The following ALDH1L1 variants were observed in gnomAD, a reference collection of about 807,000 sequenced individuals.
The protein encoded by ALDH1L1 is cytosolic 10-formyltetrahydrofolate dehydrogenase.
Under a neutral mutation model 101.1 loss-of-function variants are expected in ALDH1L1, and 68 were observed. The observed-to-expected ratio is 0.67, with a 90% CI of 0.55 to 0.82. The LOEUF is 0.82. ALDH1L1 is among the 40% of genes least tolerant of loss of function. The pLI is 0.00. For missense variants in ALDH1L1, 1,087 were observed against 1,172.7 expected, an observed-to-expected ratio of 0.93 and a Z score of 1.07; for synonymous variants, 486 against 470.8, an observed-to-expected ratio of 1.03 and a Z score of -0.42.
At chr3:126,135,739 T>C in intron 11 of ALDH1L1, 77 bp from the exon 12 acceptor site, 1 of 1,427,786 alleles carries the variant, frequency 7.0e-7, no homozygotes. Flanking sequence ...TTCCCTGGCC[T>C]CCTCCTGGGG....
intron 9 of ALDH1L1, among the ~76,000 whole-genome samples, chr3:126,142,386 C>T (rs988159140): frequency 2.0e-5 from 3 of 152,170 alleles, no homozygotes; most frequent in African/African-American, 7.2e-5. Context: ...GACAAAGATA[C>T]TACAGCAAAA....
chr3:126,117,944 C>G (rs1032305912), intron 17 of ALDH1L1, 61 bp downstream of exon 17: 24 of 1,481,456 alleles, frequency 1.6e-5, no homozygotes, highest in Non-Finnish European at 1.6e-5. Context: ...TGGGACAGCA[C>G]TGCCATGTCC....
chr3:126,135,680 C>T lies in ALDH1L1; in HGVS notation c.1345-18G>A. ...CAGATGACCTATAGTGGAAGCAGAG[C>T]CATGACAAGTTCTCCCTAAGCCAGT... On this transcript the variant is annotated intron_variant, in intron 11 of 22. Coordinates refer to ENST00000393434, the MANE Select transcript of ALDH1L1 (RefSeq NM_012190.4). 1.3e-6 allele frequency: 2 copies of T among 1,508,650 alleles called. No homozygotes were observed. Among genetic ancestry groups the T allele is most frequent in the Non-Finnish European group, 1.8e-6 (2 of 1,124,508 alleles). The allele number at this position is 1,508,650 out of a possible 1,614,324, so 93.5% of individuals were successfully genotyped here. A position where few individuals can be genotyped will look rare whatever the true frequency, so the allele number is the denominator to read the frequency against.
chr3:126,180,209 C>G (rs553707536), intron 1 of ALDH1L1: 5 of 160,214 alleles, frequency 3.1e-5, no homozygotes, highest in Admixed American at 2.6e-4. Flanking sequence ...CCACCGCGGC[C>G]GGCCAGATCC....
At chr3:126,115,058 G>T in intron 17 of ALDH1L1, 2 of 457,022 alleles carry the variant, frequency 4.4e-6, no homozygotes, top group South Asian at 1.6e-5. Flanking sequence ...AGCCTGGCCA[G>T]GGCAGGCACG....
At chr3:126,130,969 G>C (rs2080288306) in intron 13 of ALDH1L1, among the ~76,000 whole-genome samples, 1 of 152,240 alleles carries the variant, frequency 6.6e-6, no homozygotes, top group South Asian at 2.1e-4. Flanking sequence ...GCAGAAGACA[G>C]TGTCACAGGG....
intron 9 of ALDH1L1, among the ~76,000 whole-genome samples, chr3:126,138,694 T>G (rs2080505023): frequency 6.6e-6 from 1 of 152,208 alleles, no homozygotes; most frequent in Admixed American, 6.5e-5. Flanking sequence ...GGCAGGGATG[T>G]AAATGGTGCT....
intron 1 of ALDH1L1, among the ~76,000 whole-genome samples, chr3:126,161,525 C>T (rs181009782): frequency 1.6e-3 from 239 of 152,236 alleles, no homozygotes; most frequent in East Asian, 1.4e-3. Flanking sequence ...AAGGGGCCTG[C>T]GTGGGGGCGC....
intron 19 of ALDH1L1, among the ~76,000 whole-genome samples, chr3:126,112,456 C>T (rs1026887749): frequency 1.3e-5 from 2 of 152,226 alleles, no homozygotes; most frequent in Non-Finnish European, 2.9e-5. Flanking sequence ...CTTCTCTTTC[C>T]AGGCTTCACC....
chr3:126,158,387 G>A lies in ALDH1L1; in HGVS notation c.362+18C>T. On this transcript the variant is annotated intron_variant, in intron 3 of 22. Coordinates refer to ENST00000393434, the MANE Select transcript of ALDH1L1 (RefSeq NM_012190.4). ...GACATGTATGGGGATGGCCCCCTGT[G>A]TTTTTGCCCCATCTCACCAGTTGAT... is the stretch of plus-strand genomic sequence containing the variant. The A allele has an allele frequency of 6.4e-7, 1 of 1,550,392 alleles. No homozygotes were observed. The highest frequency in any genetic ancestry group is 8.8e-7 in the Non-Finnish European group (1 of 1,139,502).
intron 6 of ALDH1L1, 125 bp from the exon 7 acceptor site, chr3:126,153,706 G>C: frequency 8.0e-7 from 1 of 1,253,392 alleles, no homozygotes; most frequent in South Asian, 1.5e-5. Flanking sequence ...CCTGGGAGCC[G>C]GCTCAAAGCC....
rs191120788 is a variant in ALDH1L1, at chr3:126,118,740, G to A, written c.1889-642C>T. On this transcript the variant is annotated intron_variant, in intron 16 of 22. Coordinates refer to ENST00000393434, the MANE Select transcript of ALDH1L1 (RefSeq NM_012190.4). The stretch of plus-strand genomic sequence containing the variant: ...CCCAAGGATGCCTGATCAGGTCCCC[G>A]AGGATGTGGCATCCTAAGCATCATA... Among the ~76,000 whole-genome samples, 43 of 152,208 alleles carry A rather than the reference G, an allele frequency of 2.8e-4. 1 individual carries two copies. The East Asian group carries it at 6.6e-3, about 23-fold the overall frequency.
Position 126,131,393 on chromosome 3 carries a change from G to T in ALDH1L1, c.1614C>A (p.Asp538Glu). The change falls in exon 13 of 23, where the codon GAC becomes GAA. Residue 538 changes from aspartate to glutamate, a missense_variant. Asp to Glu is a conservative substitution (Grantham distance 45). Around this residue, in one of 2 missense-constraint regions of ALDH1L1, gnomAD observed 442 missense variants for 535.7 expected, o/e 0.83. Coordinates refer to ENST00000393434, the MANE Select transcript of ALDH1L1 (RefSeq NM_012190.4). Reference protein sequence around the residue: ...QTFRYFAGWCDKIQGSTIPIN... With the variant: ...QTFRYFAGWCEKIQGSTIPIN... ...GGAGCCTGGGCCCCACCTGGATCTT[G>T]TCACACCAGCCAGCAAAGTAGCGGA... is the stretch of plus-strand genomic sequence containing the variant. 6.2e-7 allele frequency: 1 copy of T among 1,603,208 alleles called. No homozygotes were observed. Among genetic ancestry groups the T allele is most frequent in the South Asian group, 1.1e-5 (1 of 90,516 alleles).
Position 126,105,918 on chromosome 3 carries a change from C to T in ALDH1L1, c.2461G>A (p.Asp821Asn), listed in dbSNP as rs1432817267. The change falls in exon 22 of 23, where the codon GAT becomes AAT. Residue 821 changes from aspartate (D) to asparagine (N), a missense_variant. Asp to Asn is a conservative substitution (Grantham distance 23, BLOSUM62 1). Transcript: ENST00000393434. The stretch of plus-strand genomic sequence containing the variant: ...GCATTGGCCCGAGACAGCACGGCAT[C>T]CAAGTCCCTGGAGAGAAAGTCCAGG... ...IISRFADGDL[D>N]AVLSRANATE... The T allele has an allele frequency of 1.2e-6, 2 of 1,612,360 alleles. No individual in the cohort carries two copies. The highest frequency in any genetic ancestry group is 1.3e-5 in the African/African-American group (1 of 74,902).
At chr3:126,125,345 G>C (rs948880949) in intron 15 of ALDH1L1, among the ~76,000 whole-genome samples, 5 of 152,192 alleles carry the variant, frequency 3.3e-5, no homozygotes, top group African/African-American at 1.2e-4. Context: ...AGAAATCCCT[G>C]CCTCTGCTCA....
Position 126,158,410 on chromosome 3 carries a change from G to A in ALDH1L1, c.357C>T (p.Ile119=), listed in dbSNP as rs115046141. ...GTGTTTTTGCCCCATCTCACCAGTT[G>A]ATGGCCGAGGCCCCTCGGTGCCTAG... is the stretch of plus-strand genomic sequence containing the variant. ...LLPRHRGASA[I]NWTLIHGDKK... Residue 119 remains isoleucine (I), a synonymous_variant, in exon 3 of 23, where the codon ATC becomes ATT. Transcript: ENST00000393434. 2.0e-4 allele frequency: 316 copies of A among 1,590,044 alleles called. No homozygotes were observed. In the African/African-American group the frequency reaches 4.0e-3, roughly 20 times the overall value.
At chr3:126,166,515 GAA>G (rs2081171045) in intron 1 of ALDH1L1, among the ~76,000 whole-genome samples, 1 of 152,004 alleles carries the variant, frequency 6.6e-6, no homozygotes, top group Admixed American at 6.5e-5. Flanking sequence ...TTGTTTTCCT[GAA>G]AAAAGTTTTT....
intron 1 of ALDH1L1, among the ~76,000 whole-genome samples, chr3:126,164,290 CAG>C (rs2081120084): frequency 6.6e-6 from 1 of 152,152 alleles, no homozygotes; most frequent in Admixed American, 6.5e-5. Context: ...ATTTTAGAAA[CAG>C]GGGGTGCAGG....
chr3:126,108,603 G>C (rs528866840), intron 20 of ALDH1L1, among the ~76,000 whole-genome samples: 4 of 152,342 alleles, frequency 2.6e-5, no homozygotes, highest in African/African-American at 9.6e-5. Context: ...GCAGTGCAAT[G>C]GTCACGAGAG....
Sources: gnomAD v4.1 joint callset for allele counts (sites outside exome capture counted in the v4.1 genomes callset) on GRCh38, gnomAD v4.1.1 for gene constraint, gnomAD v4.1.1 regional missense constraint, MANE v1.5 for transcripts, NCBI Gene and HGNC (gene_info 2026-07-23, HGNC 2026-07-21) for gene names.